The following EXOC4 variants were observed in gnomAD, a reference collection of about 807,000 sequenced individuals.
EXOC4 encodes the protein SEC8-like 1.
In EXOC4, 71 loss-of-function variants were observed where a neutral mutation model predicts 107.2. The ratio of observed to expected loss-of-function variants is 0.66; its 90% CI spans 0.55 to 0.81. The LOEUF is 0.81. Ranked by LOEUF, EXOC4 falls within the 30% of genes least tolerant of loss-of-function variation. EXOC4 has a pLI of 0.00. For missense variants in EXOC4, 1,108 were observed against 1,189.6 expected, an observed-to-expected ratio of 0.93 and a Z score of 1.01; for synonymous variants, 456 against 441.2, an observed-to-expected ratio of 1.03 and a Z score of -0.42.
intron 5 of EXOC4, among the ~76,000 whole-genome samples, chr7:133,354,942 C>G (rs999064185): frequency 6.6e-6 from 1 of 152,032 alleles, no homozygotes; most frequent in Non-Finnish European, 1.5e-5. Context: ...TGGGGAGATT[C>G]CTGGTGCCTC....
intron 14 of EXOC4, among the ~76,000 whole-genome samples, chr7:133,962,309 G>A (rs1467520822): frequency 6.6e-6 from 1 of 152,178 alleles, no homozygotes; most frequent in East Asian, 1.9e-4. Flanking sequence ...CTTCTTGTTA[G>A]TGTAGTTTAA....
chr7:133,463,617 A>G (rs1444114080), intron 7 of EXOC4, among the ~76,000 whole-genome samples: 1 of 152,216 alleles, frequency 6.6e-6, no homozygotes, highest in Non-Finnish European at 1.5e-5. Flanking sequence ...TACTTAAGTA[A>G]TAGTCTTAAG....
intron 1 of EXOC4, among the ~76,000 whole-genome samples, chr7:133,263,751 A>C (rs539961137): frequency 7.8e-5 from 11 of 141,346 alleles, no homozygotes; most frequent in African/African-American, 2.7e-4. Context: ...GTGTGTTTAC[A>C]TATGTATATG....
chr7:133,417,176 G>A (rs1797496917), intron 7 of EXOC4, among the ~76,000 whole-genome samples: 1 of 152,152 alleles, frequency 6.6e-6, no homozygotes, highest in African/African-American at 2.4e-5. Flanking sequence ...TTAATTGTTT[G>A]AACAGTTCTT....
chr7:133,756,020 A>G (rs1191557858), intron 10 of EXOC4, among the ~76,000 whole-genome samples: 1 of 152,198 alleles, frequency 6.6e-6, no homozygotes, highest in Non-Finnish European at 1.5e-5. Context: ...ATCATGTTCT[A>G]TCCCAACATA....
chr7:134,095,685 ATCT>A, the EXOC4 span, among the ~76,000 whole-genome samples: 7 of 152,226 alleles, frequency 4.6e-5, no homozygotes, highest in Non-Finnish European at 8.8e-5. Context: ...TGGCCGTCTA[ATCT>A]TCTACAAAGT....
At chr7:133,517,564 G>A (rs1289544680) in intron 9 of EXOC4, among the ~76,000 whole-genome samples, 2 of 152,086 alleles carry the variant, frequency 1.3e-5, no homozygotes, top group African/African-American at 2.4e-5. Flanking sequence ...AAGGTGAAAG[G>A]CACATCTCAC....
At chr7:134,084,302 C>T in the EXOC4 span, among the ~76,000 whole-genome samples, 1 of 152,260 alleles carries the variant, frequency 6.6e-6, no homozygotes, top group East Asian at 1.9e-4. Flanking sequence ...CCTTATTTTT[C>T]AATAGTGAAG....
At chr7:133,518,989 A>C (rs184189519) in intron 9 of EXOC4, among the ~76,000 whole-genome samples, 1 of 152,330 alleles carries the variant, frequency 6.6e-6, no homozygotes. Context: ...GGTAATTTTT[A>C]TGTTATGTAT....
downstream of EXOC4, among the ~76,000 whole-genome samples, chr7:134,066,816 T>A (rs939395992): frequency 1.3e-5 from 2 of 152,038 alleles, no homozygotes; most frequent in Non-Finnish European, 2.9e-5. Context: ...TACGTAATGT[T>A]CTTGTGTGAA....
At chr7:134,010,472 C>T (rs1201810041) in intron 17 of EXOC4, among the ~76,000 whole-genome samples, 1 of 152,130 alleles carries the variant, frequency 6.6e-6, no homozygotes, top group Non-Finnish European at 1.5e-5. Flanking sequence ...CATACAGACA[C>T]ACTTTATAGC....
chr7:133,961,453 AT>A (rs35564607), intron 14 of EXOC4, among the ~76,000 whole-genome samples: 104,690 of 150,176 alleles, frequency 0.7, 36,854 homozygotes, highest in East Asian at 0.91. Flanking sequence ...CACCTGGCTA[AT>A]TTTTTTTATT....
chr7:133,604,706 C>CCTTCTTTTTTTTT (rs1191856891), intron 9 of EXOC4, among the ~76,000 whole-genome samples: 10 of 87,534 alleles, frequency 1.1e-4, no homozygotes, highest in African/African-American at 4.4e-4. Flanking sequence ...TTCCTTCCTT[C>CCTTCTTTTTTTTT]TTTCTTTTTT....
At position 133,435,291 on chromosome 7, in the gene EXOC4, TAAA is replaced by T. The variant is rs370423417; in HGVS notation, c.1183-40029_1183-40027del. Among the ~76,000 whole-genome samples, 129 of 149,954 alleles carry T rather than the reference TAAA, an allele frequency of 8.6e-4. No individual in the cohort carries two copies. In the Middle Eastern group the frequency reaches 0.024, roughly 28 times the overall value. On this transcript the variant is annotated intron_variant, in intron 7 of 17. Transcript: ENST00000253861. ...TGCTGAACCAGTCCCAGACTTCCATTAAAAAAAAAATCATACTTGTTCACTCTT... is the reference window on the plus strand; with the variant it reads ...TGCTGAACCAGTCCCAGACTTCCATTAAAAAAATCATACTTGTTCACTCTT...
rs1240446539 is a variant in EXOC4 at position 133,548,274 on chromosome 7, C to T, written c.1417+68136C>T. Among the ~76,000 whole-genome samples, 8 of 152,074 alleles carry T rather than the reference C, an allele frequency of 5.3e-5. No individual in the cohort carries two copies. In the East Asian group the frequency reaches 1.4e-3, roughly 26 times the overall value. On this transcript the variant is annotated intron_variant, in intron 9 of 17. Transcript: ENST00000253861. Reference sequence around the variant, plus strand: ...GATTGCAGCAATTTAGTCCATCTTTCGGCTCCACTTCTATTTATAGAGAAC... The same window carrying T: ...GATTGCAGCAATTTAGTCCATCTTTTGGCTCCACTTCTATTTATAGAGAAC...
At chr7:133,261,214 G>T (rs902078112) in intron 1 of EXOC4, among the ~76,000 whole-genome samples, 8 of 149,714 alleles carry the variant, frequency 5.3e-5, no homozygotes, top group Admixed American at 1.3e-4. Flanking sequence ...GTCATTTCTG[G>T]GTTTCCATTG....
At chr7:133,382,623 T>C (rs1796642421) in intron 7 of EXOC4, among the ~76,000 whole-genome samples, 1 of 152,162 alleles carries the variant, frequency 6.6e-6, no homozygotes, top group South Asian at 2.1e-4. Context: ...TAGTTAAATA[T>C]GTAACAGCAT....
chr7:133,604,013 T>C (rs1037652554), intron 9 of EXOC4, among the ~76,000 whole-genome samples: 3 of 152,110 alleles, frequency 2.0e-5, no homozygotes, highest in Admixed American at 6.6e-5. Context: ...GAATTTTTTT[T>C]TTTTTCTTTT....
intron 5 of EXOC4, among the ~76,000 whole-genome samples, chr7:133,330,671 A>G (rs1166622781): frequency 6.6e-6 from 1 of 151,814 alleles, no homozygotes; most frequent in Non-Finnish European, 1.5e-5. Context: ...AGTCCCTCAC[A>G]GTCCCTCACA....
Sources: gnomAD v4.1 joint callset for allele counts (sites outside exome capture counted in the v4.1 genomes callset) on GRCh38, gnomAD v4.1.1 for gene constraint, MANE v1.5 for transcripts, NCBI Gene and HGNC (gene_info 2026-07-23, HGNC 2026-07-21) for gene names.